The following TNFRSF19 variants were observed in gnomAD, a reference collection of about 807,000 sequenced individuals.
The protein encoded by TNFRSF19 is TNF receptor superfamily member 19, also known as tumor necrosis factor receptor superfamily member 19.
Under a neutral mutation model 46.4 loss-of-function variants are expected in TNFRSF19, and 27 were observed. The ratio of observed to expected loss-of-function variants is 0.58; its 90% CI spans 0.43 to 0.80. TNFRSF19 has a LOEUF of 0.80. Ranked by LOEUF, TNFRSF19 falls within the 30% of genes least tolerant of loss-of-function variation. The pLI is 0.00. For missense variants in TNFRSF19, 511 were observed against 530.8 expected, an observed-to-expected ratio of 0.96 and a Z score of 0.37; for synonymous variants, 204 against 205.0, an observed-to-expected ratio of 1.00 and a Z score of 0.04.
At chr13:23,647,334 T>G (rs1044467408) in intron 5 of TNFRSF19, among the ~76,000 whole-genome samples, 3 of 152,206 alleles carry the variant, frequency 2.0e-5, no homozygotes, top group Admixed American at 2.0e-4. Context: ...GCTTTTGTTG[T>G]ATATTTAAGA....
In TNFRSF19 at chr13:23,659,362, T is replaced by G; in HGVS notation, c.610+148T>G. The G allele has an allele frequency of 1.1e-6, 1 of 879,402 alleles. No homozygotes were observed. Among genetic ancestry groups the G allele is most frequent in the Non-Finnish European group, 1.7e-6 (1 of 587,148 alleles). The allele number at this position is 879,402 out of a possible 1,614,324, so 54.5% of individuals were successfully genotyped here. A position where few individuals can be genotyped will look rare whatever the true frequency, so the allele number is the denominator to read the frequency against. Reference sequence around the variant, plus strand: ...GGGCACAAGAAACACAGGTGATCCCTGAACAGCAGAGGGCTAGGAGAGCAG... The same window carrying G: ...GGGCACAAGAAACACAGGTGATCCCGGAACAGCAGAGGGCTAGGAGAGCAG... On this transcript the variant is annotated intron_variant, in intron 6 of 9. Coordinates refer to ENST00000248484, the MANE Select transcript of TNFRSF19 (RefSeq NM_148957.4). This position sits in a 1 kb window ranked among gnomAD's most constrained non-coding sequence, Gnocchi z 4.9.
At chr13:23,670,264 A>G (rs1376523011) in intron 9 of TNFRSF19, among the ~76,000 whole-genome samples, 1 of 152,198 alleles carries the variant, frequency 6.6e-6, no homozygotes, top group East Asian at 1.9e-4. Flanking sequence ...GAGCAATCAC[A>G]GCTCACTGCA....
intron 1 of TNFRSF19, among the ~76,000 whole-genome samples, chr13:23,582,439 A>G (rs79194648): frequency 0.01 from 1,536 of 152,244 alleles, 31 homozygotes; most frequent in African/African-American, 0.035. Flanking sequence ...GATAATGCAT[A>G]TGTGAATTAC....
At chr13:23,660,059 G>A (rs1446413421) in intron 6 of TNFRSF19, among the ~76,000 whole-genome samples, 3 of 152,076 alleles carry the variant, frequency 2.0e-5, no homozygotes, top group South Asian at 2.1e-4. Context: ...GTTCAAACCC[G>A]TGTTGCTTAA....
intron 5 of TNFRSF19, among the ~76,000 whole-genome samples, chr13:23,655,750 T>A (rs964215519): frequency 3.4e-5 from 5 of 145,698 alleles, no homozygotes; most frequent in Non-Finnish European, 7.5e-5. Context: ...CCCCCCCCCT[T>A]ATTTTTGGTT....
rs1010715291 is a variant in TNFRSF19 at position 23,615,996 on chromosome 13, G to T, written c.310G>T (p.Ala104Ser). 4 of 1,612,722 alleles carry T rather than the reference G, an allele frequency of 2.5e-6. No homozygotes were observed. Among genetic ancestry groups the T allele is most frequent in the Non-Finnish European group, 3.4e-6 (4 of 1,178,996 alleles). The change falls in exon 4 of 10, where the codon GCA (alanine) becomes TCA (serine). Residue 104 changes from alanine (A) to serine (S), a missense_variant. Around this residue, in one of 3 missense-constraint regions of TNFRSF19, gnomAD observed 121 missense variants for 124.1 expected, o/e 0.98. Transcript: ENST00000248484. Reference protein sequence around the residue: ...DCAVVNRFQKANCSATSDAIC... With the variant: ...DCAVVNRFQKSNCSATSDAIC... ...CGCAGTGGTGAACCGCTTTCAGAAG[G>T]CAAATTGTTCAGCCACCAGTGATGC...
chr13:23,668,626 A>G (rs1951691211), intron 8 of TNFRSF19, 66 bp from the exon 9 acceptor site: 5 of 1,523,578 alleles, frequency 3.3e-6, no homozygotes, highest in Non-Finnish European at 4.4e-6. Context: ...TACGGCTGAC[A>G]TGCTTCTTTG....
chr13:23,640,878 A>G (rs1021443170), intron 5 of TNFRSF19, among the ~76,000 whole-genome samples: 1 of 152,178 alleles, frequency 6.6e-6, no homozygotes, highest in Admixed American at 6.5e-5. Context: ...ATTTCTATCA[A>G]ACTCCTTTCC....
At chr13:23,585,903 TA>T (rs1405048367) in intron 1 of TNFRSF19, among the ~76,000 whole-genome samples, 1 of 152,224 alleles carries the variant, frequency 6.6e-6, no homozygotes, top group Non-Finnish European at 1.5e-5. Flanking sequence ...TCAGATTGTC[TA>T]ATTTTTCGAG....
intron 3 of TNFRSF19, among the ~76,000 whole-genome samples, chr13:23,594,698 T>G (rs1879577366): frequency 6.6e-6 from 1 of 152,190 alleles, no homozygotes; most frequent in Non-Finnish European, 1.5e-5. Context: ...TCAGCAGACT[T>G]AAACGTTCCT....
rs775479056 is a variant in TNFRSF19 at position 23,615,955 on chromosome 13, A to G, written c.269A>G (p.Lys90Arg). The G allele has an allele frequency of 6.2e-7, 1 of 1,614,088 alleles. No individual in the cohort carries two copies. Among genetic ancestry groups the G allele is most frequent in the Non-Finnish European group, 8.5e-7 (1 of 1,179,940 alleles). The change falls in exon 4 of 10, where the codon AAG (lysine) becomes AGG (arginine). Residue 90 changes from lysine to arginine, a missense_variant. Around this residue, in one of 3 missense-constraint regions of TNFRSF19, gnomAD observed 121 missense variants for 124.1 expected, o/e 0.98. Coordinates refer to ENST00000248484, the MANE Select transcript of TNFRSF19 (RefSeq NM_148957.4). ...FKEDWGFQKC[K>R]PCLDCAVVNR... ...GAGGACTGGGGCTTCCAGAAATGCA[A>G]GCCCTGTCTGGACTGCGCAGTGGTG...
chr13:23,653,043 C>T (rs1883745158), intron 5 of TNFRSF19, among the ~76,000 whole-genome samples: 1 of 152,182 alleles, frequency 6.6e-6, no homozygotes. Flanking sequence ...AGCAGTTCAG[C>T]CTGGGAAAGC....
chr13:23,672,491 C>T (rs1052013883), intron 9 of TNFRSF19, among the ~76,000 whole-genome samples: 1 of 152,090 alleles, frequency 6.6e-6, no homozygotes, highest in Non-Finnish European at 1.5e-5. Flanking sequence ...TCCTTATTGG[C>T]AAAATGAGGA....
At chr13:23,638,637 C>T (rs1179282756) in intron 5 of TNFRSF19, among the ~76,000 whole-genome samples, 1 of 152,208 alleles carries the variant, frequency 6.6e-6, no homozygotes, top group Non-Finnish European at 1.5e-5. Flanking sequence ...GACCAGATCT[C>T]AGCTGCGGTG....
chr13:23,577,273 A>G (rs192663124), intron 1 of TNFRSF19, among the ~76,000 whole-genome samples: 9 of 152,350 alleles, frequency 5.9e-5, no homozygotes, highest in Admixed American at 2.6e-4. Context: ...AACACGTAAA[A>G]TGATTCAAGA....
chr13:23,665,599 A>G (rs1230908572), intron 7 of TNFRSF19, among the ~76,000 whole-genome samples: 4 of 152,036 alleles, frequency 2.6e-5, no homozygotes, highest in African/African-American at 7.2e-5. Context: ...CCATGTTCAC[A>G]TTTGCTTTAT....
chr13:23,649,912 G>C (rs1013710096), intron 5 of TNFRSF19, among the ~76,000 whole-genome samples: 2 of 152,074 alleles, frequency 1.3e-5, no homozygotes, highest in Non-Finnish European at 2.9e-5. Context: ...GATTGGAAAA[G>C]CTACTTTGTA....
At chr13:23,670,469 AC>A (rs1343189150) in intron 9 of TNFRSF19, among the ~76,000 whole-genome samples, 1 of 152,240 alleles carries the variant, frequency 6.6e-6, no homozygotes, top group Non-Finnish European at 1.5e-5. Flanking sequence ...TGAAGGAAAA[AC>A]AAATTAGGCA....
intron 1 of TNFRSF19, among the ~76,000 whole-genome samples, chr13:23,577,704 A>C (rs1026458838): frequency 6.6e-5 from 10 of 152,216 alleles, no homozygotes; most frequent in Non-Finnish European, 1.3e-4. Context: ...GAGCACGAAG[A>C]GGAAGTAGAG....
Sources: allele counts gnomAD v4.1 joint callset (sites outside exome capture counted in the v4.1 genomes callset), GRCh38; gene constraint gnomAD v4.1.1; regional missense constraint gnomAD v4.1.1; non-coding constraint Gnocchi (gnomAD v3.1); transcripts MANE v1.5; gene names NCBI Gene and HGNC (gene_info 2026-07-23, HGNC 2026-07-21).